PACSIN2: variants seen among roughly 807,000 people sequenced by gnomAD.
PACSIN2 encodes the protein protein kinase C and casein kinase substrate in neurons 2.
Under a neutral mutation model 63.8 loss-of-function variants are expected in PACSIN2, and 25 were observed. The ratio of observed to expected loss-of-function variants is 0.39; its 90% CI spans 0.29 to 0.55. The LOEUF is 0.55. Among genes scored for constraint, PACSIN2 ranks in the 20% least tolerant of loss-of-function variants. The probability of loss-of-function intolerance (pLI) is 0.62; values close to 1 mark genes in which losing one functional copy is unlikely to be tolerated. For missense variants in PACSIN2, 518 were observed against 646.9 expected (o/e 0.80, Z 2.16); for synonymous variants, 255 against 256.2 (o/e 1.00, Z 0.05).
At chr22:42,932,573 C>A (rs1241973885) in intron 1 of PACSIN2, among the ~76,000 whole-genome samples, 3 of 152,036 alleles carry the variant, frequency 2.0e-5, no homozygotes, top group African/African-American at 7.3e-5. Context: ...AAAAGGATAT[C>A]AAATAAGACC....
chr22:42,890,653 T>C (rs1218050229), intron 4 of PACSIN2, among the ~76,000 whole-genome samples: 1 of 152,214 alleles, frequency 6.6e-6, no homozygotes, highest in Non-Finnish European at 1.5e-5. Flanking sequence ...AGGCACAGGT[T>C]GCAGTGAGCT....
At chr22:42,876,428 C>T in intron 9 of PACSIN2, 95 bp from the exon 10 acceptor site, 2 of 1,073,530 alleles carry the variant, frequency 1.9e-6, no homozygotes, top group Non-Finnish European at 2.8e-6. Context: ...AGCCTTGGGG[C>T]TCAGGGCTGA....
intron 1 of PACSIN2, among the ~76,000 whole-genome samples, chr22:42,997,166 C>T (rs879726513): frequency 1.3e-5 from 2 of 152,204 alleles, no homozygotes; most frequent in Admixed American, 6.5e-5. Flanking sequence ...CTCCTCTGAC[C>T]AGAATGTAAG....
intron 1 of PACSIN2, among the ~76,000 whole-genome samples, chr22:42,918,654 C>A (rs1375188064): frequency 6.6e-6 from 1 of 152,160 alleles, no homozygotes; most frequent in Non-Finnish European, 1.5e-5. Context: ...ACACCACATG[C>A]CCAGCTACCA....
chr22:42,880,089 C>T (rs1276404772), intron 7 of PACSIN2, among the ~76,000 whole-genome samples: 1 of 152,198 alleles, frequency 6.6e-6, no homozygotes, highest in East Asian at 1.9e-4. Flanking sequence ...TCTCCTTCCC[C>T]CCATCTCCAC....
At chr22:42,925,347 G>A (rs760943770) in intron 1 of PACSIN2, among the ~76,000 whole-genome samples, 2 of 152,030 alleles carry the variant, frequency 1.3e-5, no homozygotes, top group Non-Finnish European at 2.9e-5. Flanking sequence ...GTGTGTGGTG[G>A]CGCATGCCTG....
intron 1 of PACSIN2, among the ~76,000 whole-genome samples, chr22:42,955,783 G>A (rs1284555520): frequency 6.6e-6 from 1 of 152,208 alleles, no homozygotes; most frequent in Non-Finnish European, 1.5e-5. Flanking sequence ...CTATAGATGG[G>A]AAAGTAGTAA....
At chr22:42,905,943 C>A (rs1931043858) in intron 2 of PACSIN2, among the ~76,000 whole-genome samples, 1 of 152,224 alleles carries the variant, frequency 6.6e-6, no homozygotes, top group South Asian at 2.1e-4. Flanking sequence ...ACCTGACCAC[C>A]CACCGCCACC....
chr22:42,897,754 A>G (rs1930390011), intron 2 of PACSIN2, among the ~76,000 whole-genome samples: 1 of 152,192 alleles, frequency 6.6e-6, no homozygotes, highest in Admixed American at 6.5e-5. Context: ...GGAGGGGGTG[A>G]GAGGTATCCT....
intron 1 of PACSIN2, among the ~76,000 whole-genome samples, chr22:42,948,310 T>C (rs1248661802): frequency 2.0e-5 from 3 of 152,090 alleles, no homozygotes; most frequent in Non-Finnish European, 4.4e-5. Context: ...TCTGCTCCAT[T>C]TACCTACCAG....
At chr22:43,003,199 AAG>A (rs1923874131) in intron 1 of PACSIN2, among the ~76,000 whole-genome samples, 1 of 152,260 alleles carries the variant, frequency 6.6e-6, no homozygotes, top group Non-Finnish European at 1.5e-5. Context: ...GTAAACTACA[AAG>A]AGTTTTTTAC....
intron 1 of PACSIN2, among the ~76,000 whole-genome samples, chr22:42,996,168 C>A (rs933535866): frequency 6.6e-6 from 1 of 151,512 alleles, no homozygotes; most frequent in African/African-American, 2.4e-5. Flanking sequence ...TGCAATGAGC[C>A]GAGATTGCAC....
At chr22:42,973,687 G>C (rs552672214) in intron 1 of PACSIN2, among the ~76,000 whole-genome samples, 101 of 152,272 alleles carry the variant, frequency 6.6e-4, no homozygotes, top group African/African-American at 2.1e-3. Flanking sequence ...ACCCAGACTG[G>C]GTTGGCTGCT....
chr22:42,929,092 A>G (rs971137016), intron 1 of PACSIN2, among the ~76,000 whole-genome samples: 1 of 152,254 alleles, frequency 6.6e-6, no homozygotes, highest in Admixed American at 6.5e-5. Context: ...GCATGGCTGC[A>G]AAGATCCTCC....
At chr22:43,006,404 G>A (rs1924095524) in intron 1 of PACSIN2, among the ~76,000 whole-genome samples, 1 of 152,200 alleles carries the variant, frequency 6.6e-6, no homozygotes, top group South Asian at 2.1e-4. Flanking sequence ...AGGGCTGTAT[G>A]ACTCCAAAAC....
At chr22:42,996,260 G>A (rs1473734291) in intron 1 of PACSIN2, among the ~76,000 whole-genome samples, 3 of 149,252 alleles carry the variant, frequency 2.0e-5, no homozygotes, top group Non-Finnish European at 3.0e-5. Context: ...GACACTGGAC[G>A]CGGTGGCTCA....
intron 9 of PACSIN2, 141 bp from the exon 10 acceptor site, chr22:42,876,474 C>G: frequency 3.0e-6 from 2 of 672,898 alleles, no homozygotes; most frequent in East Asian, 2.7e-5. Context: ...GGAGCCAGTG[C>G]TAGTGTGAGT....
chr22:42,977,603 T>TC (rs1921794039), intron 1 of PACSIN2, among the ~76,000 whole-genome samples: 3 of 152,224 alleles, frequency 2.0e-5, no homozygotes, highest in Admixed American at 1.3e-4. Context: ...AAGGGGTTGA[T>TC]ATGGTTAGGC....
intron 5 of PACSIN2, among the ~76,000 whole-genome samples, chr22:42,885,249 G>A (rs972286652): frequency 6.6e-6 from 1 of 152,170 alleles, no homozygotes; most frequent in Admixed American, 6.5e-5. Flanking sequence ...CATCTGGTGG[G>A]GATGTGCCTC....
Sources: gnomAD v4.1 joint callset for allele counts (sites outside exome capture counted in the v4.1 genomes callset) on GRCh38, gnomAD v4.1.1 for gene constraint, MANE v1.5 for transcripts, NCBI Gene and HGNC (gene_info 2026-07-23, HGNC 2026-07-21) for gene names.